The following MCMBP variants were observed in gnomAD, a reference collection of about 807,000 sequenced individuals.
MCMBP encodes mini-chromosome maintenance complex-binding protein.
MCMBP carries 31 observed loss-of-function variants against 81.3 expected under a neutral mutation model. The observed-to-expected ratio is 0.38, with a 90% confidence interval of 0.29 to 0.51. The LOEUF is 0.51. MCMBP is among the 20% of genes least tolerant of loss of function. The pLI, the probability that MCMBP is intolerant of heterozygous loss-of-function variation, is 0.87. For missense variants in MCMBP, 645 were observed against 772.1 expected, an observed-to-expected ratio of 0.84 and a Z score of 1.95; for synonymous variants, 267 against 275.9, an observed-to-expected ratio of 0.97 and a Z score of 0.32.
intron 5 of MCMBP, among the ~76,000 whole-genome samples, chr10:119,856,698 A>G (rs1396263718): frequency 6.6e-6 from 1 of 152,232 alleles, no homozygotes; most frequent in Non-Finnish European, 1.5e-5. Flanking sequence ...AAAAATTACT[A>G]TCGTAAATAA....
At chr10:119,856,017 G>T (rs1376622425) in intron 5 of MCMBP, among the ~76,000 whole-genome samples, 1 of 152,146 alleles carries the variant, frequency 6.6e-6, no homozygotes, top group Non-Finnish European at 1.5e-5. Flanking sequence ...GAAGTCAAGA[G>T]ATCGAGACCA....
intron 1 of MCMBP, among the ~76,000 whole-genome samples, chr10:119,861,857 C>CA (rs1462950260): frequency 6.6e-6 from 1 of 152,044 alleles, no homozygotes; most frequent in Non-Finnish European, 1.5e-5. Context: ...CCTCTGGCCT[C>CA]AGTCTCCTGC....
At chr10:119,859,723 G>T in intron 2 of MCMBP, 76 bp downstream of exon 2, 1 of 848,518 alleles carries the variant, frequency 1.2e-6, no homozygotes, top group Non-Finnish European at 1.9e-6. Flanking sequence ...ATTACATGTG[G>T]GTTACTTAGT....
At chr10:119,864,164 C>T (rs1853365738) in intron 1 of MCMBP, among the ~76,000 whole-genome samples, 1 of 152,198 alleles carries the variant, frequency 6.6e-6, no homozygotes, top group Admixed American at 6.5e-5. Context: ...TGTGGGCAGA[C>T]TCTAGATGCA....
intron 1 of MCMBP, among the ~76,000 whole-genome samples, chr10:119,865,141 C>A (rs953695501): frequency 2.1e-5 from 3 of 143,258 alleles, no homozygotes; most frequent in African/African-American, 7.3e-5. Context: ...ACTACAATTG[C>A]AGATTTGCCT....
At chr10:119,840,461 T>C (rs1481023588) in intron 11 of MCMBP, among the ~76,000 whole-genome samples, 1 of 152,222 alleles carries the variant, frequency 6.6e-6, no homozygotes, top group Admixed American at 6.5e-5. Context: ...GAATTAAAAT[T>C]GAGGCAATGG....
rs1853091668 is a variant in MCMBP at position 119,857,381 on chromosome 10, A to G, written c.386T>C (p.Phe129Ser). ...TTCCCCAGGCACCGGAACACAATAG[A>G]AAGTCTGTCTTTCCAAAGTGGTATT... The part of the protein sequence containing the change: ...PRNTTLERQT[F>S]YCVPVPGEST... The change falls in exon 5 of 16, where the codon TTC (phenylalanine) becomes TCC (serine). Residue 129 changes from phenylalanine (F) to serine (S), a missense_variant. Coordinates refer to ENST00000369077, the MANE Select transcript of MCMBP (RefSeq NM_001256378.2). The G allele has an allele frequency of 1.2e-6, 2 of 1,611,444 alleles. No individual in the cohort carries two copies. Among genetic ancestry groups the G allele is most frequent in the Admixed American group, 1.7e-5 (1 of 59,920 alleles).
chr10:119,870,796 CATT>C lies in MCMBP; in HGVS notation c.58+1728_58+1730del, dbSNP rs540384382. Among the ~76,000 whole-genome samples the C allele has an allele frequency of 3.6e-3, 548 of 152,280 alleles. 1 individual carries two copies. Among genetic ancestry groups the C allele is most frequent in the African/African-American group, 0.013 (524 of 41,538 alleles). On this transcript the variant is annotated intron_variant, in intron 1 of 15. Coordinates refer to ENST00000369077, the MANE Select transcript of MCMBP (RefSeq NM_001256378.2). ...AATATAGCAACAGCTTCTACGAACA[CATT>C]ATGACTTTTCTATAAGACACAACGT... is the stretch of plus-strand genomic sequence containing the variant.
At chr10:119,847,742 G>T in intron 7 of MCMBP, 29 bp from the exon 8 acceptor site, 1 of 1,329,890 alleles carries the variant, frequency 7.5e-7, no homozygotes, top group Non-Finnish European at 1.1e-6. Flanking sequence ...AAATCACACT[G>T]TTAGAACAGA....
At chr10:119,871,936 G>A (rs1853688220) in intron 1 of MCMBP, among the ~76,000 whole-genome samples, 1 of 152,148 alleles carries the variant, frequency 6.6e-6, no homozygotes, top group Admixed American at 6.5e-5. Flanking sequence ...TGCTGGCTCT[G>A]GCACAGGAGC....
In MCMBP at chr10:119,864,014, AAAAC is replaced by A. The variant is rs549225743; in HGVS notation, c.59-4134_59-4131del. On this transcript the variant is annotated intron_variant, in intron 1 of 15. Transcript: ENST00000369077. ...TAATAATCAGTTGAACTTAAAAAAA[AAAAC>A]AATCTGGGTGGGTTCAATGTAATCA... Among the ~76,000 whole-genome samples the A allele has an allele frequency of 2.4e-3, 361 of 151,682 alleles. 1 individual carries two copies. The highest frequency in any genetic ancestry group is 7.9e-3 in the African/African-American group (329 of 41,504).
chr10:119,852,977 G>T, intron 6 of MCMBP, 73 bp downstream of exon 6: 2 of 1,554,766 alleles, frequency 1.3e-6, no homozygotes, highest in Non-Finnish European at 1.8e-6. Context: ...GCTATATTAT[G>T]TAACAATTCA....
chr10:119,832,148 A>T (rs763829339), intron 14 of MCMBP, 48 bp from the exon 15 acceptor site: 4 of 1,550,374 alleles, frequency 2.6e-6, no homozygotes, highest in Non-Finnish European at 3.5e-6. Flanking sequence ...TGTAAGGAAA[A>T]GAAAATTAAC....
At chr10:119,839,122 T>C (rs1175751728) in intron 11 of MCMBP, among the ~76,000 whole-genome samples, 4 of 152,236 alleles carry the variant, frequency 2.6e-5, no homozygotes, top group South Asian at 2.1e-4. Context: ...TAAAATTGTA[T>C]TCATTTATCA....
At chr10:119,837,463 G>A (rs1395277686) in intron 12 of MCMBP, among the ~76,000 whole-genome samples, 5 of 151,958 alleles carry the variant, frequency 3.3e-5, no homozygotes, top group Admixed American at 6.6e-5. Flanking sequence ...TGAGCTGATC[G>A]CCAGCAGTGT....
intron 5 of MCMBP, 74 bp downstream of exon 5, chr10:119,857,264 T>C: frequency 9.1e-7 from 1 of 1,093,546 alleles, no homozygotes; most frequent in East Asian, 2.4e-5. Flanking sequence ...AGCCAAGCTT[T>C]GCAAAGGAAG....
In MCMBP at chr10:119,851,872, G is replaced by T. The variant is rs555520398; in HGVS notation, c.574+1178C>A. Reference sequence around the variant, plus strand: ...ACCACTGACTGTTAAATTTGCCTTGGCCAGGCACAGTGGCTCATGCCTGTA... The same window carrying T: ...ACCACTGACTGTTAAATTTGCCTTGTCCAGGCACAGTGGCTCATGCCTGTA... On this transcript the variant is annotated intron_variant, in intron 6 of 15. Transcript: ENST00000369077. Among the ~76,000 whole-genome samples the T allele has an allele frequency of 2.0e-3, 297 of 152,110 alleles. 1 individual carries two copies. Among genetic ancestry groups the T allele is most frequent in the Admixed American group, 5.0e-3 (76 of 15,280 alleles).
intron 11 of MCMBP, among the ~76,000 whole-genome samples, chr10:119,840,627 T>TA (rs112888843): frequency 6.6e-4 from 100 of 152,368 alleles, no homozygotes; most frequent in African/African-American, 2.2e-3. Flanking sequence ...ATTGTTTTGT[T>TA]AGACTTACAG....
chr10:119,859,522 T>C (rs1176271267), intron 2 of MCMBP, among the ~76,000 whole-genome samples: 6 of 152,186 alleles, frequency 3.9e-5, no homozygotes, highest in African/African-American at 7.2e-5. Flanking sequence ...TCTTTTAAAA[T>C]GAAGGTAATA....
Sources: gnomAD v4.1 joint callset for allele counts (sites outside exome capture counted in the v4.1 genomes callset) on GRCh38, gnomAD v4.1.1 for gene constraint, MANE v1.5 for transcripts, NCBI Gene and HGNC (gene_info 2026-07-23, HGNC 2026-07-21) for gene names.